Variants in NDUFAF6 observed in about 807,000 individuals in gnomAD.
NDUFAF6 encodes NADH:ubiquinone oxidoreductase complex assembly factor 6.
Under a neutral mutation model 40.8 loss-of-function variants are expected in NDUFAF6, and 45 were observed. The observed-to-expected ratio is 1.10, with a 90% CI of 0.87 to 1.42. The LOEUF is 1.42. Among genes scored for constraint, NDUFAF6 ranks in the 40% most tolerant of loss-of-function variants. The probability of loss-of-function intolerance (pLI) is 0.00; values close to 1 mark genes in which losing one functional copy is unlikely to be tolerated. For synonymous variants in NDUFAF6, 185 were observed against 155.9 expected (o/e 1.19, Z -1.39); for missense variants, 435 against 418.5 (o/e 1.04, Z -0.34).
chr8:94,957,974 T>C (rs1304630168), upstream of NDUFAF6: 1 of 152,414 alleles, frequency 6.6e-6, no homozygotes, highest in Non-Finnish European at 1.5e-5. Flanking sequence ...ACAAACCCTA[T>C]GTCTCGTTTG....
Position 95,035,475 on chromosome 8 carries a change from A to G in NDUFAF6, c.319A>G (p.Lys107Glu). The G allele has an allele frequency of 6.2e-7, 1 of 1,613,916 alleles. No homozygotes were observed. The highest frequency in any genetic ancestry group is 8.5e-7 in the Non-Finnish European group (1 of 1,179,884). The change falls in exon 3 of 9, where the codon AAA becomes GAA. Residue 107 changes from lysine (K) to glutamate (E), a missense_variant. Lys to Glu is a moderately conservative substitution (Grantham distance 56, BLOSUM62 1). Coordinates refer to ENST00000396124, the MANE Select transcript of NDUFAF6 (RefSeq NM_152416.4). Reference protein sequence around the residue: ...LAQVKDSVSEKTIGLMRMQFW... With the variant: ...LAQVKDSVSEETIGLMRMQFW... ...ATAGGTTAAAGACTCAGTCTCTGAG[A>G]AAACAATTGGACTGATGCGAATGCA...
downstream of NDUFAF6, chr8:95,078,662 A>AAAAAAAAATATATATATATATATATATAT (rs545018367): frequency 4.1e-5 from 5 of 121,034 alleles, no homozygotes; most frequent in African/African-American, 1.6e-4. Flanking sequence ...AAAAAAAAAA[A>AAAAAAAAATATATATATATATATATATAT]ATATATATAT....
At chr8:95,052,820 T>C (rs963954410) in intron 8 of NDUFAF6, among the ~76,000 whole-genome samples, 5 of 152,176 alleles carry the variant, frequency 3.3e-5, no homozygotes, top group Non-Finnish European at 5.9e-5. Context: ...TTTTAAGAAG[T>C]TCCCCAGGTG....
At chr8:94,914,875 A>C (rs1045119480) in intron 1 of NDUFAF6, among the ~76,000 whole-genome samples, 1 of 152,060 alleles carries the variant, frequency 6.6e-6, no homozygotes, top group African/African-American at 2.4e-5. Flanking sequence ...CCACATATAC[A>C]TAGAGGTCCA....
downstream of NDUFAF6, among the ~76,000 whole-genome samples, chr8:95,079,944 A>ATTTTTGTAGTGTATTTTTTGTAGTGAT (rs1476313174): frequency 4.5e-5 from 6 of 134,176 alleles, 3 homozygotes; most frequent in African/African-American, 5.6e-5. Context: ...TTGGTAGTGT[A>ATTTTTGTAGTGTATTTTTTGTAGTGAT]TTTTTGTAGT....
chr8:95,074,980 A>G (rs1336724666), intron 9 of NDUFAF6, among the ~76,000 whole-genome samples: 1 of 151,932 alleles, frequency 6.6e-6, no homozygotes, highest in Non-Finnish European at 1.5e-5. Context: ...CAGCAACCCC[A>G]CCCCTCAAAT....
At chr8:94,989,074 T>C (rs973619145) in intron 2 of NDUFAF6, 1 of 152,240 alleles carries the variant, frequency 6.6e-6, no homozygotes, top group African/African-American at 2.4e-5. Flanking sequence ...GATGGTTGTA[T>C]TTAAAACTCT....
downstream of NDUFAF6, chr8:95,058,722 C>A: frequency 1.0e-6 from 1 of 997,892 alleles, no homozygotes; most frequent in Non-Finnish European, 1.2e-6. Context: ...ACTGTACATT[C>A]TGCGCTATAC....
chr8:95,056,562 C>T (rs1241350389), intron 8 of NDUFAF6, among the ~76,000 whole-genome samples: 3 of 152,032 alleles, frequency 2.0e-5, no homozygotes, highest in Non-Finnish European at 4.4e-5. Flanking sequence ...GCAGCTGGGA[C>T]ATTGATGCAT....
At chr8:94,932,623 G>T (rs1312611002) in intron 1 of NDUFAF6, among the ~76,000 whole-genome samples, 3 of 152,080 alleles carry the variant, frequency 2.0e-5, no homozygotes, top group Non-Finnish European at 4.4e-5. Context: ...CTAAAACAGT[G>T]AAACCCCGTC....
downstream of NDUFAF6, chr8:95,078,493 A>C (rs1162767651): frequency 6.6e-6 from 1 of 151,784 alleles, no homozygotes; most frequent in Non-Finnish European, 1.5e-5. Context: ...AAAGAAAAAG[A>C]AAATTAGCCC....
chr8:94,942,802 T>C (rs1316167791), intron 1 of NDUFAF6, among the ~76,000 whole-genome samples: 12 of 152,096 alleles, frequency 7.9e-5, no homozygotes, highest in Admixed American at 7.9e-4. Context: ...AAAGGAACAC[T>C]ATGGAAGCCT....
intron 1 of NDUFAF6, among the ~76,000 whole-genome samples, chr8:94,918,879 C>A (rs957041910): frequency 6.6e-6 from 1 of 152,184 alleles, no homozygotes; most frequent in Non-Finnish European, 1.5e-5. Flanking sequence ...TTATTCCTTG[C>A]ATTTGGATAT....
chr8:94,941,201 A>C (rs1404160612), intron 1 of NDUFAF6: 2 of 320,646 alleles, frequency 6.2e-6, no homozygotes, highest in East Asian at 5.0e-5. Flanking sequence ...CTTGGCCTAC[A>C]TTCTACAGCT....
chr8:95,047,947 C>T (rs1830995509), intron 6 of NDUFAF6, among the ~76,000 whole-genome samples: 1 of 152,066 alleles, frequency 6.6e-6, no homozygotes, highest in Non-Finnish European at 1.5e-5. Context: ...TGACTCATGC[C>T]TGTAATCCCA....
At chr8:94,927,053 T>C (rs1250132005) in intron 1 of NDUFAF6, 1 of 152,476 alleles carries the variant, frequency 6.6e-6, no homozygotes, top group Non-Finnish European at 1.5e-5. Flanking sequence ...AAACATATAC[T>C]ACTAGTGTCT....
chr8:95,001,841 A>G (rs1290562017), intron 2 of NDUFAF6, among the ~76,000 whole-genome samples: 1 of 152,220 alleles, frequency 6.6e-6, no homozygotes, highest in East Asian at 1.9e-4. Flanking sequence ...CAGATTGCAG[A>G]TTTCTGTGTG....
intron 8 of NDUFAF6, among the ~76,000 whole-genome samples, chr8:95,053,600 C>T (rs1831695955): frequency 6.6e-6 from 1 of 151,934 alleles, no homozygotes; most frequent in Admixed American, 6.6e-5. Flanking sequence ...TTTTTAAAAG[C>T]TTCCCGTTTT....
intron 7 of NDUFAF6, 57 bp from the exon 8 acceptor site, chr8:95,052,117 A>G: frequency 6.5e-7 from 1 of 1,528,332 alleles, no homozygotes; most frequent in Non-Finnish European, 9.1e-7. Flanking sequence ...TTGCTTTCAG[A>G]GGGAGAGTGT....
Sources: gnomAD v4.1 joint callset for allele counts (sites outside exome capture counted in the v4.1 genomes callset) on GRCh38, gnomAD v4.1.1 for gene constraint, MANE v1.5 for transcripts, NCBI Gene and HGNC (gene_info 2026-07-23, HGNC 2026-07-21) for gene names.